The following CEP68 variants were observed in gnomAD, a reference collection of about 807,000 sequenced individuals.
CEP68 encodes the protein centrosomal protein of 68 kDa.
Under a neutral mutation model 55.3 loss-of-function variants are expected in CEP68, and 26 were observed. The observed-to-expected ratio is 0.47, with a 90% confidence interval of 0.34 to 0.65. The LOEUF (loss-of-function observed/expected upper bound fraction) is 0.65. CEP68 is among the 30% of genes least tolerant of loss of function. The pLI, the probability that CEP68 is intolerant of heterozygous loss-of-function variation, is 0.01. For missense variants in CEP68, 957 were observed against 946.7 expected, an observed-to-expected ratio of 1.01 and a Z score of -0.14; for synonymous variants, 402 against 383.2, an observed-to-expected ratio of 1.05 and a Z score of -0.57.
intron 1 of CEP68, among the ~76,000 whole-genome samples, chr2:65,065,222 G>A (rs988094342): frequency 3.3e-5 from 5 of 152,220 alleles, no homozygotes; most frequent in Non-Finnish European, 5.9e-5. Context: ...AGCACCCTTC[G>A]CCTCAGCAGC....
chr2:65,079,383 A>G (rs1676904449), intron 5 of CEP68, among the ~76,000 whole-genome samples: 1 of 152,116 alleles, frequency 6.6e-6, no homozygotes, highest in South Asian at 2.1e-4. Context: ...GACAACCCAA[A>G]ATGTTTCTAC....
chr2:65,071,520 A>G lies in CEP68; in HGVS notation c.424A>G (p.Thr142Ala), dbSNP rs369539419. Residue 142 changes from threonine to alanine, a missense_variant, in exon 3 of 7, where the codon ACT (threonine) becomes GCT (alanine). Thr to Ala is a moderately conservative substitution (Grantham distance 58). Coordinates refer to ENST00000377990, the MANE Select transcript of CEP68 (RefSeq NM_015147.3). ...GACTCTGAGCCTTCCCAGAACAACAACTATTTGCTCAGGACATGATGCTGA... is the reference window on the plus strand; with the variant it reads ...GACTCTGAGCCTTCCCAGAACAACAGCTATTTGCTCAGGACATGATGCTGA... The part of the protein sequence containing the change: ...PQTLSLPRTT[T>A]ICSGHDADTE... The G allele has an allele frequency of 2.0e-5, 33 of 1,613,978 alleles. No individual in the cohort carries two copies. Among genetic ancestry groups the G allele is most frequent in the Non-Finnish European group, 2.7e-5 (32 of 1,179,974 alleles).
intron 1 of CEP68, among the ~76,000 whole-genome samples, chr2:65,067,394 A>G (rs144081744): frequency 1.3e-5 from 2 of 152,128 alleles, no homozygotes; most frequent in African/African-American, 4.8e-5. Context: ...TGGGGGAACA[A>G]AAGTGGGGGA....
At chr2:65,063,402 C>T (rs1407971393) in intron 1 of CEP68, among the ~76,000 whole-genome samples, 3 of 152,194 alleles carry the variant, frequency 2.0e-5, no homozygotes, top group Admixed American at 6.5e-5. Flanking sequence ...ATTTGGGAGG[C>T]GACGGGGGCC....
intron 1 of CEP68, among the ~76,000 whole-genome samples, chr2:65,057,349 G>A (rs543088794): frequency 2.6e-5 from 4 of 152,320 alleles, no homozygotes; most frequent in African/African-American, 9.6e-5. Context: ...TGTTGGGTCA[G>A]TTTGCCTTGG....
rs543511407 is a variant in CEP68 at position 65,086,945 on chromosome 2, A to G, written c.*3311A>G. The stretch of plus-strand genomic sequence containing the variant: ...TCATTTTACAATTATCTTACCACTT[A>G]TTTTTGTACCATGTATTTCAATTGC... On this transcript the variant is annotated 3_prime_UTR_variant, in exon 7 of 7. Transcript: ENST00000377990. 2.0e-5 allele frequency: 3 copies of G among 152,690 alleles called. No individual in the cohort carries two copies. In the East Asian group the frequency reaches 5.8e-4, roughly 29 times the overall value. 9.5% of individuals were successfully genotyped at this position (152,690 alleles called of 1,614,324 possible). A position where few individuals can be genotyped will look rare whatever the true frequency, so the allele number is the denominator to read the frequency against.
At position 65,071,745 on chromosome 2, in the gene CEP68, CGTG is replaced by C. The variant is rs1558561629; in HGVS notation, c.655_657del (p.Gly219del). The C allele has an allele frequency of 9.3e-6, 15 of 1,613,730 alleles. No individual in the cohort carries two copies. Among genetic ancestry groups the C allele is most frequent in the Admixed American group, 1.7e-5 (1 of 60,004 alleles). On this transcript the variant is annotated inframe_deletion, in exon 3 of 7. Coordinates refer to ENST00000377990, the MANE Select transcript of CEP68 (RefSeq NM_015147.3). Reference sequence around the variant, plus strand: ...GGGTCACCAGGAGAGGGCGGAGCCTCGTGGTGGTTCTCTGGCCAAGGTCTCCTC... The same window carrying C: ...GGGTCACCAGGAGAGGGCGGAGCCTCGTGGTTCTCTGGCCAAGGTCTCCTC...
At chr2:65,074,724 G>A in intron 4 of CEP68, 1 of 361,614 alleles carries the variant, frequency 2.8e-6, no homozygotes, top group Non-Finnish European at 5.4e-6. Flanking sequence ...AAGATTGCTT[G>A]AGCCCAGGAG....
intron 4 of CEP68, among the ~76,000 whole-genome samples, chr2:65,076,994 CCTTT>C (rs1676794832): frequency 1.9e-5 from 1 of 51,626 alleles, no homozygotes; most frequent in Non-Finnish European, 3.6e-5. Flanking sequence ...TTTGACTTTA[CCTTT>C]TTTTTTTTTT....
intron 1 of CEP68, among the ~76,000 whole-genome samples, chr2:65,061,647 G>T (rs1163626760): frequency 3.3e-5 from 5 of 152,240 alleles, no homozygotes; most frequent in Non-Finnish European, 5.9e-5. Flanking sequence ...GGACTGTGGG[G>T]CTCCAGGGGG....
chr2:65,064,187 A>C (rs748743566), intron 1 of CEP68, among the ~76,000 whole-genome samples: 6 of 152,174 alleles, frequency 3.9e-5, no homozygotes, highest in Non-Finnish European at 8.8e-5. Context: ...TATCCTTGTA[A>C]GTTACTTAGG....
intron 1 of CEP68, among the ~76,000 whole-genome samples, chr2:65,060,901 G>A (rs1675881032): frequency 6.6e-6 from 1 of 152,162 alleles, no homozygotes; most frequent in Admixed American, 6.5e-5. Context: ...TCTAGGTTGG[G>A]CGCAGTGGCT....
chr2:65,057,758 G>A (rs1229496548), intron 1 of CEP68, among the ~76,000 whole-genome samples: 2 of 152,182 alleles, frequency 1.3e-5, no homozygotes, highest in African/African-American at 2.4e-5. Flanking sequence ...AGGTTAGGAA[G>A]GCAGCTAAGC....
intron 2 of CEP68, among the ~76,000 whole-genome samples, chr2:65,070,420 C>T (rs1676405086): frequency 1.3e-5 from 2 of 151,822 alleles, no homozygotes. Flanking sequence ...GGGAGGTGAC[C>T]GGAATGATCT....
At chr2:65,073,213 T>C (rs1256027856) in intron 3 of CEP68, 1 of 580,096 alleles carries the variant, frequency 1.7e-6, no homozygotes, top group African/African-American at 1.8e-5. Context: ...CCACTTATAA[T>C]TAGCAAGGGC....
Position 65,084,700 on chromosome 2 carries a change from C to G in CEP68, c.*1066C>G, listed in dbSNP as rs1315230477. On this transcript the variant is annotated 3_prime_UTR_variant, in exon 7 of 7. Transcript: ENST00000377990. ...CACAGTAACAATGGAAACTAAAGTC[C>G]TATTATTAATGTGACTTTTCTGCTT... The G allele has an allele frequency of 6.6e-6, 1 of 152,100 alleles. No homozygotes were observed. The highest frequency in any genetic ancestry group is 6.6e-5 in the Admixed American group (1 of 15,254). 9.4% of individuals were successfully genotyped at this position (152,100 alleles called of 1,614,324 possible).
At chr2:65,074,704 C>T in intron 4 of CEP68, 1 of 375,862 alleles carries the variant, frequency 2.7e-6, no homozygotes, top group East Asian at 6.7e-5. Context: ...ACTCTGGAAG[C>T]TGAGACAGGA....
chr2:65,072,662 A>AGACAGT lies in CEP68; in HGVS notation c.1569_1574dup (p.Ser524_Asp525dup). ...AAGGGCAGAGCCCCTTGGAAGTGTC[A>AGACAGT]GACAGTGATGGGCCAGCTTCCTTCC... On this transcript the variant is annotated inframe_insertion, in exon 3 of 7. Transcript: ENST00000377990. 1 of 1,614,168 alleles carries AGACAGT rather than the reference A, an allele frequency of 6.2e-7. No individual in the cohort carries two copies.
chr2:65,085,112 T>C lies in CEP68; in HGVS notation c.*1478T>C, dbSNP rs1668989897. The C allele has an allele frequency of 6.6e-6, 1 of 152,212 alleles. No individual in the cohort carries two copies. Among genetic ancestry groups the C allele is most frequent in the Non-Finnish European group, 1.5e-5 (1 of 68,042 alleles). 9.4% of individuals were successfully genotyped at this position (152,212 alleles called of 1,614,324 possible). A position where few individuals can be genotyped will look rare whatever the true frequency, so the allele number is the denominator to read the frequency against. On this transcript the variant is annotated 3_prime_UTR_variant, in exon 7 of 7. Coordinates refer to ENST00000377990, the MANE Select transcript of CEP68 (RefSeq NM_015147.3). ...TATAAGTAGGAACATGTCCTTCCACTGAGTATGTTACTGAATAGCCCTTAG... is the reference window on the plus strand; with the variant it reads ...TATAAGTAGGAACATGTCCTTCCACCGAGTATGTTACTGAATAGCCCTTAG...
Sources: gnomAD v4.1 joint callset for allele counts (sites outside exome capture counted in the v4.1 genomes callset) on GRCh38, gnomAD v4.1.1 for gene constraint, MANE v1.5 for transcripts, NCBI Gene and HGNC (gene_info 2026-07-23, HGNC 2026-07-21) for gene names.